SLC28A1: variants seen among roughly 807,000 people sequenced by gnomAD.
The protein encoded by SLC28A1 is sodium/nucleoside cotransporter 1.
Under a neutral mutation model 74.8 loss-of-function variants are expected in SLC28A1, and 64 were observed. That is an observed-to-expected ratio of 0.86 (90% confidence interval 0.70 to 1.05). The LOEUF (loss-of-function observed/expected upper bound fraction) is 1.05, where lower values mean the gene tolerates loss of function less well. Ranked by LOEUF, SLC28A1 falls within the 50% of genes least tolerant of loss-of-function variation. The pLI, the probability that SLC28A1 is intolerant of heterozygous loss-of-function variation, is 0.00. For missense variants in SLC28A1, 828 were observed against 822.8 expected (o/e 1.01, Z -0.08); for synonymous variants, 359 against 335.0 (o/e 1.07, Z -0.78).
At chr15:84,963,175 G>GA in the SLC28A1 span, among the ~76,000 whole-genome samples, 2 of 152,132 alleles carry the variant, frequency 1.3e-5, no homozygotes, top group African/African-American at 2.4e-5. Context: ...AATTGAATTA[G>GA]AAAAAATCAA....
intron 6 of SLC28A1, among the ~76,000 whole-genome samples, chr15:84,900,834 G>C (rs1167420011): frequency 6.6e-6 from 1 of 151,546 alleles, no homozygotes; most frequent in Non-Finnish European, 1.5e-5. Flanking sequence ...GACAGAAAGG[G>C]AAGGGGAAGG....
intron 4 of SLC28A1, among the ~76,000 whole-genome samples, chr15:84,889,985 G>A (rs1296795369): frequency 1.7e-4 from 26 of 151,512 alleles, no homozygotes; most frequent in Admixed American, 2.6e-4. Flanking sequence ...ACAGGCGCAC[G>A]CCACCATGCC....
At chr15:84,933,345 G>C in intron 13 of SLC28A1, 70 bp downstream of exon 13, 3 of 1,551,318 alleles carry the variant, frequency 1.9e-6, no homozygotes, top group Non-Finnish European at 1.8e-6. Context: ...AGAGGGTCCC[G>C]TTCTCTCTGT....
Position 84,923,352 on chromosome 15 carries a change from T to TCCTCCCACCACCTCCTAAACCC in SLC28A1, c.958-624_958-623insACCTCCTAAACCCCCTCCCACC, listed in dbSNP as rs574022972. Reference sequence around the variant, plus strand: ...CTTGGTTGCTTGTTGATTATCTATATCCTCCCACCCTCCACGGCTCCCAGG... The same window carrying TCCTCCCACCACCTCCTAAACCC: ...CTTGGTTGCTTGTTGATTATCTATATCCTCCCACCACCTCCTAAACCCCCTCCCACCCTCCACGGCTCCCAGG... On this transcript the variant is annotated intron_variant, in intron 11 of 18. Transcript: ENST00000394573. Among the ~76,000 whole-genome samples, 220 of 152,192 alleles carry TCCTCCCACCACCTCCTAAACCC rather than the reference T, an allele frequency of 1.4e-3. 1 individual carries two copies. The highest frequency in any genetic ancestry group is 5.0e-3 in the African/African-American group (206 of 41,510).
At chr15:84,961,402 G>A in the SLC28A1 span, 698 of 402,272 alleles carry the variant, frequency 1.7e-3, no homozygotes, top group African/African-American at 0.01. Context: ...TATAATCATG[G>A]CTCACTGTAG....
intron 8 of SLC28A1, among the ~76,000 whole-genome samples, chr15:84,906,520 G>GTTTCTTTCTTTC (rs1399584550): frequency 4.1e-4 from 22 of 54,180 alleles, no homozygotes; most frequent in East Asian, 1.6e-3. Flanking sequence ...TTGTTTGTTT[G>GTTTCTTTCTTTC]TTTGTTTGTT....
At chr15:84,970,264 G>A in the SLC28A1 span, among the ~76,000 whole-genome samples, 1 of 152,086 alleles carries the variant, frequency 6.6e-6, no homozygotes, top group Non-Finnish European at 1.5e-5. Flanking sequence ...CTCTTTTTTA[G>A]AAGGAAGGAG....
downstream of SLC28A1, among the ~76,000 whole-genome samples, chr15:84,949,302 A>C (rs2079336096): frequency 6.6e-6 from 1 of 152,254 alleles, no homozygotes; most frequent in Non-Finnish European, 1.5e-5. Flanking sequence ...GGGTGGAACC[A>C]AGATGCTGTG....
chr15:84,974,135 G>C, the SLC28A1 span, among the ~76,000 whole-genome samples: 1 of 152,180 alleles, frequency 6.6e-6, no homozygotes, highest in Admixed American at 6.5e-5. Context: ...AGTGATTCAC[G>C]ATCGTTGCGG....
intron 12 of SLC28A1, among the ~76,000 whole-genome samples, chr15:84,932,528 C>A (rs990627539): frequency 6.6e-6 from 1 of 152,176 alleles, no homozygotes; most frequent in African/African-American, 2.4e-5. Context: ...AACTGCAGGA[C>A]TGGATGTGAT....
chr15:84,894,270 G>T (rs985071106), intron 5 of SLC28A1, among the ~76,000 whole-genome samples: 17 of 151,824 alleles, frequency 1.1e-4, no homozygotes, highest in African/African-American at 3.9e-4. Context: ...TACTCGGGAG[G>T]CTGAGGCAGA....
rs775666799 is a variant in SLC28A1, at chr15:84,935,518, C to T, written c.1581C>T (p.Ser527=). 22 of 1,611,894 alleles carry T rather than the reference C, an allele frequency of 1.4e-5. No individual in the cohort carries two copies. Among genetic ancestry groups the T allele is most frequent in the African/African-American group, 6.7e-5 (5 of 74,918 alleles). Residue 527 remains serine, a splice_region_variant and synonymous_variant, in exon 15 of 19, where the codon TCC becomes TCT. Coordinates refer to ENST00000394573, the MANE Select transcript of SLC28A1 (RefSeq NM_004213.5). ...EWVGDRKQWI[S]VRAEVLTTFA... ...TCGGCGACAGGAAGCAGTGGATCTCCGTGAGTGTCCCAGTCCCTTCCCTGC... is the reference window on the plus strand; with the variant it reads ...TCGGCGACAGGAAGCAGTGGATCTCTGTGAGTGTCCCAGTCCCTTCCCTGC...
At chr15:84,885,391 C>T (rs962883457) in intron 1 of SLC28A1, among the ~76,000 whole-genome samples, 5 of 151,706 alleles carry the variant, frequency 3.3e-5, no homozygotes, top group Admixed American at 2.6e-4. Context: ...GTGTGATCCC[C>T]TATTGGAAAA....
chr15:84,908,541 G>C (rs1967613668), intron 8 of SLC28A1, among the ~76,000 whole-genome samples, 177 bp from the exon 9 acceptor site: 2 of 152,214 alleles, frequency 1.3e-5, no homozygotes, highest in East Asian at 3.9e-4. Flanking sequence ...ATATGCTTAG[G>C]AGTGAGTGCC....
At chr15:84,908,860 G>A in intron 9 of SLC28A1, 65 bp downstream of exon 9, 1 of 1,374,864 alleles carries the variant, frequency 7.3e-7, no homozygotes, top group Non-Finnish European at 1.0e-6. Context: ...AGCTAGAGGG[G>A]AGTCTGGGCA....
chr15:84,886,472 G>A lies in SLC28A1; in HGVS notation c.-132-200G>A, dbSNP rs191894340. 2.2e-5 allele frequency: 22 copies of A among 985,428 alleles called. No individual in the cohort carries two copies. In the African/African-American group the frequency reaches 3.7e-4, roughly 16 times the overall value. The allele number at this position is 985,428 out of a possible 1,614,324, so 61.0% of individuals were successfully genotyped here. A position where few individuals can be genotyped will look rare whatever the true frequency, so the allele number is the denominator to read the frequency against. Reference sequence around the variant, plus strand: ...AGGTCAGTTTGGGAACTGGGGAGAGGGCAGAGGAGGGCATCTCTGATGGAG... The same window carrying A: ...AGGTCAGTTTGGGAACTGGGGAGAGAGCAGAGGAGGGCATCTCTGATGGAG... On this transcript the variant is annotated intron_variant, in intron 1 of 18. Transcript: ENST00000394573.
intron 9 of SLC28A1, among the ~76,000 whole-genome samples, chr15:84,909,962 G>A (rs1218612412): frequency 6.6e-6 from 1 of 152,258 alleles, no homozygotes; most frequent in Non-Finnish European, 1.5e-5. Flanking sequence ...CCAAGCCATG[G>A]ACTTAGCTAT....
At position 84,943,484 on chromosome 15, in the gene SLC28A1, T is replaced by C; in HGVS notation, c.1621T>C (p.Phe541Leu). ...CCTCACGACGTTTGCCCTCTGTGGA[T>C]TTGCCAATTTCAGCTCCATTGGGAT... Reference protein sequence around the residue: ...EVLTTFALCGFANFSSIGIML... With the variant: ...EVLTTFALCGLANFSSIGIML... Residue 541 changes from phenylalanine to leucine, a missense_variant, in exon 16 of 19, where the codon TTT becomes CTT. Physicochemically the swap from Phe to Leu is conservative, Grantham distance 22 (BLOSUM62 0). Coordinates refer to ENST00000394573, the MANE Select transcript of SLC28A1 (RefSeq NM_004213.5). The C allele has an allele frequency of 6.2e-7, 1 of 1,614,106 alleles. No homozygotes were observed. The highest frequency in any genetic ancestry group is 8.5e-7 in the Non-Finnish European group (1 of 1,179,970).
At chr15:84,962,291 C>A in the SLC28A1 span, among the ~76,000 whole-genome samples, 2 of 152,110 alleles carry the variant, frequency 1.3e-5, no homozygotes, top group Admixed American at 1.3e-4. Context: ...CCAGGCTTGT[C>A]TCGAACTCCT....
Sources: gnomAD v4.1 joint callset for allele counts (sites outside exome capture counted in the v4.1 genomes callset) on GRCh38, gnomAD v4.1.1 for gene constraint, MANE v1.5 for transcripts, NCBI Gene and HGNC (gene_info 2026-07-23, HGNC 2026-07-21) for gene names.